Variants in CETN1 observed in about 807,000 individuals in gnomAD.
CETN1 encodes the protein centrin-1.
CETN1 carries 6 observed loss-of-function variants against 8.1 expected under a neutral mutation model. That is an observed-to-expected ratio of 0.74 (90% CI 0.40 to 1.46). The LOEUF is 1.46. Ranked by LOEUF, CETN1 falls within the 40% of genes most tolerant of loss-of-function variation. The pLI, the probability that CETN1 is intolerant of heterozygous loss-of-function variation, is 0.02. For synonymous variants in CETN1, 99 were observed against 90.3 expected, an observed-to-expected ratio of 1.10 and a Z score of -0.55; for missense variants, 215 against 226.2, an observed-to-expected ratio of 0.95 and a Z score of 0.32.
chr18:580,607 G>A lies in CETN1; in HGVS notation c.199G>A (p.Glu67Lys), dbSNP rs1254036750. ...MRALGFEPRK[E>K]EMKKMISEVD... is the part of the protein sequence containing the mutation. ...AGCGCTGGGCTTCGAACCCAGGAAG[G>A]AAGAGATGAAGAAAATGATCTCCGA... Residue 67 changes from glutamate to lysine, a missense_variant, in exon 1 of 1, where the codon GAA becomes AAA. By Grantham distance (56) the Glu-to-Lys change is moderately conservative. Coordinates refer to ENST00000327228, the MANE Select transcript of CETN1 (RefSeq NM_004066.3). The surrounding 1 kb of genome is among the most constrained non-coding windows in gnomAD (Gnocchi z 6.1). The A allele has an allele frequency of 3.7e-6, 6 of 1,614,048 alleles. No individual in the cohort carries two copies. In the African/African-American group the frequency reaches 8.0e-5, roughly 22 times the overall value.
Position 580,636 on chromosome 18 carries a change from G to A in CETN1, c.228G>A (p.Val76=). The change falls in exon 1 of 1, where the codon GTG becomes GTA. Residue 76 remains valine, a synonymous_variant. Transcript: ENST00000327228. The surrounding 1 kb of genome is among the most constrained non-coding windows in gnomAD (Gnocchi z 6.1). ...AGATGAAGAAAATGATCTCCGAGGTGGACAGGGAAGGCACGGGGAAGATCA... is the reference window on the plus strand; with the variant it reads ...AGATGAAGAAAATGATCTCCGAGGTAGACAGGGAAGGCACGGGGAAGATCA... ...KEEMKKMISE[V]DREGTGKISF... 1 of 1,614,108 alleles carries A rather than the reference G, an allele frequency of 6.2e-7. No homozygotes were observed.
rs1433977717 is a variant in CETN1 at position 581,233 on chromosome 18, T to C, written c.*306T>C. 1.8e-5 allele frequency: 5 copies of C among 280,344 alleles called. No individual in the cohort carries two copies. The highest frequency in any genetic ancestry group is 3.6e-5 in the Non-Finnish European group (5 of 140,804). 17.4% of individuals were successfully genotyped at this position (280,344 alleles called of 1,614,324 possible). A position where few individuals can be genotyped will look rare whatever the true frequency, so the allele number is the denominator to read the frequency against. On this transcript the variant is annotated 3_prime_UTR_variant, in exon 1 of 1. Transcript: ENST00000327228. ...CTGTTGATCTGGAGGCAGGACAGCT[T>C]CTGGGACACACAAAAATGTGGTTCC... is the stretch of plus-strand genomic sequence containing the variant.
rs1216826325 is a variant in CETN1, at chr18:581,451, A to T, written c.*524A>T. The T allele has an allele frequency of 5.9e-6, 1 of 168,906 alleles. No homozygotes were observed. Among genetic ancestry groups the T allele is most frequent in the Admixed American group, 6.4e-5 (1 of 15,580 alleles). The allele number at this position is 168,906 out of a possible 1,614,324, so 10.5% of individuals were successfully genotyped here. A position where few individuals can be genotyped will look rare whatever the true frequency, so the allele number is the denominator to read the frequency against. ...TACGGAGCTCAGGACAGATAATCTT[A>T]TAAAGAATAGACTTGCTTGGGTGGT... On this transcript the variant is annotated 3_prime_UTR_variant, in exon 1 of 1. Coordinates refer to ENST00000327228, the MANE Select transcript of CETN1 (RefSeq NM_004066.3).
Position 580,873 on chromosome 18 carries a change from C to T in CETN1, c.465C>T (p.Gly155=), listed in dbSNP as rs745607980. 4 of 1,613,870 alleles carry T rather than the reference C, an allele frequency of 2.5e-6. No homozygotes were observed. The highest frequency in any genetic ancestry group is 1.1e-5 in the South Asian group (1 of 91,056). The change falls in exon 1 of 1, where the codon GGC becomes GGT. Residue 155 remains glycine (G), a synonymous_variant. Coordinates refer to ENST00000327228, the MANE Select transcript of CETN1 (RefSeq NM_004066.3). The surrounding 1 kb of genome is among the most constrained non-coding windows in gnomAD (Gnocchi z 6.1). ...ACGAAGCTGATCGGGATGGGGACGG[C>T]GAAGTGAACGAGGAGGAGTTCCTTC... ...MIDEADRDGD[G]EVNEEEFLRI... is the part of the protein sequence containing the mutation.
In CETN1 at chr18:581,025, C is replaced by T; in HGVS notation, c.*98C>T. 7.9e-7 allele frequency: 1 copy of T among 1,265,858 alleles called. No homozygotes were observed. The highest frequency in any genetic ancestry group is 1.1e-6 in the Non-Finnish European group (1 of 911,186). The allele number at this position is 1,265,858 out of a possible 1,614,324, so 78.4% of individuals were successfully genotyped here. On this transcript the variant is annotated 3_prime_UTR_variant, in exon 1 of 1. Coordinates refer to ENST00000327228, the MANE Select transcript of CETN1 (RefSeq NM_004066.3). ...TGCCTGTCCCTTCTTCACCCCCTCA[C>T]CCCCATAATTTGTCTAGATCTATTT...
chr18:580,426 G>A lies in CETN1; in HGVS notation c.18G>A (p.Lys6=). The part of the protein sequence containing the change: MASGF[K]KPSAASTGQK... ...GCGGCAGGATGGCTTCCGGCTTCAA[G>A]AAGCCCAGCGCTGCCTCCACCGGCC... The change falls in exon 1 of 1, where the codon AAG becomes AAA. Residue 6 remains lysine (K), a synonymous_variant. Transcript: ENST00000327228. This position sits in a 1 kb window ranked among gnomAD's most constrained non-coding sequence, Gnocchi z 6.1. The A allele has an allele frequency of 6.4e-7, 1 of 1,570,282 alleles. No homozygotes were observed.
rs868598105 is a variant in CETN1, at chr18:581,043, A to T, written c.*116A>T. The T allele has an allele frequency of 2.9e-6, 3 of 1,033,708 alleles. No individual in the cohort carries two copies. Among genetic ancestry groups the T allele is most frequent in the South Asian group, 3.3e-5 (2 of 59,768 alleles). The allele number at this position is 1,033,708 out of a possible 1,614,324, so 64.0% of individuals were successfully genotyped here. On this transcript the variant is annotated 3_prime_UTR_variant, in exon 1 of 1. Coordinates refer to ENST00000327228, the MANE Select transcript of CETN1 (RefSeq NM_004066.3). ...CCCCTCACCCCCATAATTTGTCTAG[A>T]TCTATTTCCATATCTCTAGTTCAAT...
Position 580,968 on chromosome 18 carries a change from T to C in CETN1, c.*41T>C. ...TAAAGTGACTCTCTGGGTTGCCTGC[T>C]TCCATTTTGTGAAACCTTAGAGGAC... On this transcript the variant is annotated 3_prime_UTR_variant, in exon 1 of 1. Transcript: ENST00000327228. The surrounding 1 kb of genome is among the most constrained non-coding windows in gnomAD (Gnocchi z 6.1). 4 of 1,565,352 alleles carry C rather than the reference T, an allele frequency of 2.6e-6. No individual in the cohort carries two copies. The highest frequency in any genetic ancestry group is 3.5e-6 in the Non-Finnish European group (4 of 1,156,432).
Position 580,418 on chromosome 18 carries a change from G to T in CETN1, c.10G>T (p.Gly4Cys). 1.3e-6 allele frequency: 2 copies of T among 1,560,738 alleles called. No homozygotes were observed. The highest frequency in any genetic ancestry group is 1.7e-6 in the Non-Finnish European group (2 of 1,157,036). MAS[G>C]FKKPSAASTG... ...CGGCCAGAGCGGCAGGATGGCTTCC[G>T]GCTTCAAGAAGCCCAGCGCTGCCTC... Residue 4 changes from glycine to cysteine, a missense_variant, in exon 1 of 1, where the codon GGC becomes TGC. Coordinates refer to ENST00000327228, the MANE Select transcript of CETN1 (RefSeq NM_004066.3). The surrounding 1 kb of genome is among the most constrained non-coding windows in gnomAD (Gnocchi z 6.1).
chr18:580,800 A>G lies in CETN1; in HGVS notation c.392A>G (p.Asn131Ser), dbSNP rs376025640. 10 of 1,614,034 alleles carry G rather than the reference A, an allele frequency of 6.2e-6. No homozygotes were observed. In the African/African-American group the frequency reaches 8.0e-5, roughly 13 times the overall value. Residue 131 changes from asparagine (N) to serine (S), a missense_variant, in exon 1 of 1, where the codon AAC becomes AGC. Physicochemically the swap from Asn to Ser is conservative, Grantham distance 46. Coordinates refer to ENST00000327228, the MANE Select transcript of CETN1 (RefSeq NM_004066.3). This position sits in a 1 kb window ranked among gnomAD's most constrained non-coding sequence, Gnocchi z 6.1. Reference protein sequence around the residue: ...ISFKNLKRVANELGENLTDEE... With the variant: ...ISFKNLKRVASELGENLTDEE... ...TTCAAAAACCTGAAGCGTGTGGCCA[A>G]CGAGCTGGGGGAGAACCTCACGGAT...
Position 581,002 on chromosome 18 carries a change from C to T in CETN1, c.*75C>T. ...GTGAAACCTTAGAGGACAGCGGCTG[C>T]CTGTCCCTTCTTCACCCCCTCACCC... On this transcript the variant is annotated 3_prime_UTR_variant, in exon 1 of 1. Transcript: ENST00000327228. 1.4e-6 allele frequency: 2 copies of T among 1,470,954 alleles called. No individual in the cohort carries two copies. Among genetic ancestry groups the T allele is most frequent in the South Asian group, 1.4e-5 (1 of 73,878 alleles). 91.1% of individuals were successfully genotyped at this position (1,470,954 alleles called of 1,614,324 possible). A position where few individuals can be genotyped will look rare whatever the true frequency, so the allele number is the denominator to read the frequency against.
At position 580,972 on chromosome 18, in the gene CETN1, A is replaced by G. The variant is rs555734318; in HGVS notation, c.*45A>G. 2.5e-4 allele frequency: 391 copies of G among 1,563,570 alleles called. No individual in the cohort carries two copies. Among genetic ancestry groups the G allele is most frequent in the Non-Finnish European group, 3.3e-4 (378 of 1,155,570 alleles). Reference sequence around the variant, plus strand: ...GTGACTCTCTGGGTTGCCTGCTTCCATTTTGTGAAACCTTAGAGGACAGCG... The same window carrying G: ...GTGACTCTCTGGGTTGCCTGCTTCCGTTTTGTGAAACCTTAGAGGACAGCG... On this transcript the variant is annotated 3_prime_UTR_variant, in exon 1 of 1. Transcript: ENST00000327228. This position sits in a 1 kb window ranked among gnomAD's most constrained non-coding sequence, Gnocchi z 6.1.
At position 580,703 on chromosome 18, in the gene CETN1, G is replaced by A. The variant is rs1381045445; in HGVS notation, c.295G>A (p.Glu99Lys). The change falls in exon 1 of 1, where the codon GAG becomes AAG. Residue 99 changes from glutamate to lysine, a missense_variant. Physicochemically the swap from Glu to Lys is moderately conservative, Grantham distance 56. Transcript: ENST00000327228. This position sits in a 1 kb window ranked among gnomAD's most constrained non-coding sequence, Gnocchi z 6.1. ...GGCCGTGATGACGCAGAAGATGTCC[G>A]AGAAGGACACCAAAGAAGAAATCCT... ...FLAVMTQKMS[E>K]KDTKEEILKA... 7 of 1,613,882 alleles carry A rather than the reference G, an allele frequency of 4.3e-6. No homozygotes were observed. The highest frequency in any genetic ancestry group is 2.2e-5 in the East Asian group (1 of 44,874).
rs2072547936 is a variant in CETN1, at chr18:581,105, G to A, written c.*178G>A. On this transcript the variant is annotated 3_prime_UTR_variant, in exon 1 of 1. Transcript: ENST00000327228. ...AAAGATGCTTGTAATGTGAGTTTTG[G>A]GTTTTAATTCTCAAGAGTCAACCTG... 4.0e-6 allele frequency: 3 copies of A among 745,190 alleles called. No individual in the cohort carries two copies. The South Asian group carries it at 6.2e-5, about 15-fold the overall frequency. The allele number at this position is 745,190 out of a possible 1,614,324, so 46.2% of individuals were successfully genotyped here.
Position 581,038 on chromosome 18 carries a change from T to C in CETN1, c.*111T>C, listed in dbSNP as rs1181121087. On this transcript the variant is annotated 3_prime_UTR_variant, in exon 1 of 1. Transcript: ENST00000327228. ...TTCACCCCCTCACCCCCATAATTTG[T>C]CTAGATCTATTTCCATATCTCTAGT... 4.4e-6 allele frequency: 5 copies of C among 1,126,694 alleles called. No homozygotes were observed. The highest frequency in any genetic ancestry group is 6.3e-6 in the Non-Finnish European group (5 of 791,330). The allele number at this position is 1,126,694 out of a possible 1,614,324, so 69.8% of individuals were successfully genotyped here.
chr18:581,097 G>C lies in CETN1; in HGVS notation c.*170G>C. On this transcript the variant is annotated 3_prime_UTR_variant, in exon 1 of 1. Transcript: ENST00000327228. ...AGAATTTGAAAGATGCTTGTAATGT[G>C]AGTTTTGGGTTTTAATTCTCAAGAG... 1 of 776,704 alleles carries C rather than the reference G, an allele frequency of 1.3e-6. No homozygotes were observed. The highest frequency in any genetic ancestry group is 2.0e-6 in the Non-Finnish European group (1 of 492,848). The allele number at this position is 776,704 out of a possible 1,614,324, so 48.1% of individuals were successfully genotyped here. A position where few individuals can be genotyped will look rare whatever the true frequency, so the allele number is the denominator to read the frequency against.
Position 580,806 on chromosome 18 carries a change from TGG to T in CETN1, c.402_403del (p.Asn136ProfsTer4). On this transcript the variant is annotated frameshift_variant, in exon 1 of 1. Transcript: ENST00000327228. LOFTEE classifies it high-confidence loss of function. The surrounding 1 kb of genome is among the most constrained non-coding windows in gnomAD (Gnocchi z 6.1). The stretch of plus-strand genomic sequence containing the variant: ...AACCTGAAGCGTGTGGCCAACGAGC[TGG>T]GGGAGAACCTCACGGATGAGGAGCT... 6.2e-7 allele frequency: 1 copy of T among 1,613,962 alleles called. No individual in the cohort carries two copies. Among genetic ancestry groups the T allele is most frequent in the Non-Finnish European group, 8.5e-7 (1 of 1,179,992 alleles).
chr18:580,383 G>A lies in CETN1; in HGVS notation c.-26G>A, dbSNP rs2072542177. On this transcript the variant is annotated 5_prime_UTR_variant, in exon 1 of 1. Coordinates refer to ENST00000327228, the MANE Select transcript of CETN1 (RefSeq NM_004066.3). This position sits in a 1 kb window ranked among gnomAD's most constrained non-coding sequence, Gnocchi z 6.1. ...AATGAGAGCGCGGGGCGGTGCCGTTGGGACCACGGCGGCCAGAGCGGCAGG... is the reference window on the plus strand; with the variant it reads ...AATGAGAGCGCGGGGCGGTGCCGTTAGGACCACGGCGGCCAGAGCGGCAGG... 3 of 1,545,726 alleles carry A rather than the reference G, an allele frequency of 1.9e-6. No homozygotes were observed. The highest frequency in any genetic ancestry group is 4.8e-5 in the East Asian group (2 of 41,256).
In CETN1 at chr18:580,544, G is replaced by A; in HGVS notation, c.136G>A (p.Gly46Arg). 3 of 1,614,204 alleles carry A rather than the reference G, an allele frequency of 1.9e-6. No homozygotes were observed. The highest frequency in any genetic ancestry group is 2.5e-6 in the Non-Finnish European group (3 of 1,180,032). The change falls in exon 1 of 1, where the codon GGG becomes AGG. Residue 46 changes from glycine (G) to arginine (R), a missense_variant. Coordinates refer to ENST00000327228, the MANE Select transcript of CETN1 (RefSeq NM_004066.3). This position sits in a 1 kb window ranked among gnomAD's most constrained non-coding sequence, Gnocchi z 6.1. ...AFDLFDVDGSGTIDAKELKVA... is the reference protein window; with the variant it reads ...AFDLFDVDGSRTIDAKELKVA... ...TGACCTCTTCGACGTGGACGGAAGT[G>A]GGACCATCGACGCGAAGGAGCTGAA...
Sources: allele counts gnomAD v4.1 joint callset, GRCh38; gene constraint gnomAD v4.1.1; non-coding constraint Gnocchi (gnomAD v3.1); transcripts MANE v1.5; gene names NCBI Gene and HGNC (gene_info 2026-07-23, HGNC 2026-07-21).